The following ZFP91 variants were observed in gnomAD, a reference collection of about 807,000 sequenced individuals.
The protein encoded by ZFP91 is ZFP91 zinc finger protein, atypical E3 ubiquitin ligase, also known as E3 ubiquitin-protein ligase ZFP91.
A neutral mutation model predicts 63.5 loss-of-function variants in ZFP91; 7 were observed. The observed-to-expected ratio is 0.11, with a 90% CI of 0.06 to 0.21. The LOEUF is 0.21. Ranked by LOEUF, ZFP91 falls within the 10% of genes least tolerant of loss-of-function variation. ZFP91 has a pLI of 1.00. For synonymous variants in ZFP91, 330 were observed against 272.1 expected (o/e 1.21, Z -2.10); for missense variants, 628 against 736.6 (o/e 0.85, Z 1.71).
chr11:58,616,559 T>A (rs992355174), intron 9 of ZFP91, among the ~76,000 whole-genome samples, 157 bp from the exon 10 acceptor site: 1 of 152,142 alleles, frequency 6.6e-6, no homozygotes, highest in Non-Finnish European at 1.5e-5. Context: ...AAGCAATACT[T>A]TTCTTTTTTA....
At chr11:58,581,517 A>G (rs1855115957) in intron 1 of ZFP91, among the ~76,000 whole-genome samples, 1 of 152,042 alleles carries the variant, frequency 6.6e-6, no homozygotes, top group African/African-American at 2.4e-5. Context: ...CCCGCCACCA[A>G]TCCCAGCTAA....
chr11:58,593,220 G>A (rs1855338028), intron 2 of ZFP91, among the ~76,000 whole-genome samples: 1 of 152,188 alleles, frequency 6.6e-6, no homozygotes. Flanking sequence ...AAGTTGGTGT[G>A]TGTTCTATTG....
At chr11:58,611,955 A>AT in intron 6 of ZFP91, 2 of 561,474 alleles carry the variant, frequency 3.6e-6, no homozygotes, top group Non-Finnish European at 6.1e-6. Flanking sequence ...AGGAGAAGGT[A>AT]TTTTTTAATC....
In ZFP91 at chr11:58,621,388, T is replaced by A. The variant is rs1226696916; in HGVS notation, c.*3682T>A. Among the ~76,000 whole-genome samples the A allele has an allele frequency of 7.2e-5, 11 of 152,210 alleles. No individual in the cohort carries two copies. The highest frequency in any genetic ancestry group is 2.2e-4 in the African/African-American group (9 of 41,448). On this transcript the variant is annotated 3_prime_UTR_variant, in exon 11 of 11. Coordinates refer to ENST00000316059, the MANE Select transcript of ZFP91 (RefSeq NM_053023.5). ...CTTGATAGCATTTAATATTAATACT[T>A]CTTCTCAAAATTGAATGTTTATATC...
At chr11:58,612,516 C>G in intron 7 of ZFP91, 188 bp downstream of exon 7, 1 of 638,098 alleles carries the variant, frequency 1.6e-6, no homozygotes, top group Non-Finnish European at 2.7e-6. Flanking sequence ...AAATTTCTAA[C>G]AATCTTAATA....
intron 2 of ZFP91, among the ~76,000 whole-genome samples, chr11:58,597,077 A>G (rs1248793333): frequency 6.6e-6 from 1 of 152,142 alleles, no homozygotes; most frequent in Non-Finnish European, 1.5e-5. Context: ...AGAACCATAA[A>G]AGGCAGTCCC....
chr11:58,580,104 T>G (rs1224760486), intron 1 of ZFP91, among the ~76,000 whole-genome samples: 1 of 151,854 alleles, frequency 6.6e-6, no homozygotes, highest in African/African-American at 2.4e-5. Context: ...TTTTTTTTTT[T>G]TTCACTTTTC....
chr11:58,600,781 C>T (rs1855480011), intron 2 of ZFP91, among the ~76,000 whole-genome samples: 1 of 152,116 alleles, frequency 6.6e-6, no homozygotes, highest in African/African-American at 2.4e-5. Flanking sequence ...ATGATGTGAG[C>T]TCTGGGGTTT....
intron 2 of ZFP91, among the ~76,000 whole-genome samples, chr11:58,586,994 T>C (rs1855221135): frequency 6.6e-6 from 1 of 152,202 alleles, no homozygotes; most frequent in Non-Finnish European, 1.5e-5. Flanking sequence ...TTCTTTGAGT[T>C]GAAGAGAAGA....
At chr11:58,596,568 G>A (rs542249140) in intron 2 of ZFP91, among the ~76,000 whole-genome samples, 65 of 152,186 alleles carry the variant, frequency 4.3e-4, no homozygotes, top group Non-Finnish European at 7.8e-4. Flanking sequence ...CTTTCTGATC[G>A]TCTGGCCCCT....
intron 2 of ZFP91, among the ~76,000 whole-genome samples, chr11:58,600,944 G>A (rs964345273): frequency 2.0e-5 from 3 of 152,054 alleles, no homozygotes; most frequent in Admixed American, 6.5e-5. Context: ...TATTAATGTG[G>A]GATATTACAT....
intron 2 of ZFP91, among the ~76,000 whole-genome samples, chr11:58,608,302 G>T (rs1290114277): frequency 6.6e-6 from 1 of 151,708 alleles, no homozygotes; most frequent in East Asian, 2.0e-4. Flanking sequence ...TAAAAACAGT[G>T]CTATATGTTA....
chr11:58,591,089 C>T (rs1855297997), intron 2 of ZFP91, among the ~76,000 whole-genome samples: 1 of 152,262 alleles, frequency 6.6e-6, no homozygotes, highest in Admixed American at 6.5e-5. Context: ...ATTTACACAA[C>T]TGAAGAAATA....
intron 2 of ZFP91, among the ~76,000 whole-genome samples, chr11:58,602,272 A>AT (rs1156839565): frequency 6.6e-6 from 1 of 151,998 alleles, no homozygotes; most frequent in Non-Finnish European, 1.5e-5. Context: ...AATATGTCTA[A>AT]TTTTTTAATT....
chr11:58,601,808 T>C (rs1469083912), intron 2 of ZFP91, among the ~76,000 whole-genome samples: 2 of 152,220 alleles, frequency 1.3e-5, no homozygotes, highest in African/African-American at 2.4e-5. Context: ...TTTGTGAGTT[T>C]TCTAGTTTTC....
At chr11:58,607,804 AC>A (rs990432179) in intron 2 of ZFP91, among the ~76,000 whole-genome samples, 7 of 152,154 alleles carry the variant, frequency 4.6e-5, no homozygotes, top group African/African-American at 1.4e-4. Context: ...GTCATTTTTA[AC>A]ATAAACCTAC....
rs1395877622 is a variant in ZFP91 at position 58,609,812 on chromosome 11, G to A, written c.371-18G>A. On this transcript the variant is annotated intron_variant, in intron 2 of 10. Coordinates refer to ENST00000316059, the MANE Select transcript of ZFP91 (RefSeq NM_053023.5). ...GTTAACTGTAAACTTAAAGAGAATG[G>A]TATGTCTTTTTATTTAGATCCCAAG... 3 of 1,607,302 alleles carry A rather than the reference G, an allele frequency of 1.9e-6. No individual in the cohort carries two copies. Among genetic ancestry groups the A allele is most frequent in the East Asian group, 2.2e-5 (1 of 44,842 alleles).
intron 9 of ZFP91, 134 bp from the exon 10 acceptor site, chr11:58,616,582 C>A: frequency 4.1e-6 from 2 of 490,244 alleles, no homozygotes; most frequent in East Asian, 3.6e-5. Context: ...TTTTGTTTAC[C>A]CAAAGTGTTT....
intron 1 of ZFP91, among the ~76,000 whole-genome samples, chr11:58,582,044 A>G (rs1202780383): frequency 1.3e-5 from 2 of 152,224 alleles, no homozygotes; most frequent in African/African-American, 4.8e-5. Flanking sequence ...ACCTTATTCC[A>G]TAATCTGGAA....
Sources: allele counts gnomAD v4.1 joint callset (sites outside exome capture counted in the v4.1 genomes callset), GRCh38; gene constraint gnomAD v4.1.1; transcripts MANE v1.5; gene names NCBI Gene and HGNC (gene_info 2026-07-23, HGNC 2026-07-21).